DLG2: variants seen among roughly 807,000 people sequenced by gnomAD.
DLG2 encodes the protein discs large MAGUK scaffold protein 2, also known as disks large homolog 2.
Under a neutral mutation model 132.5 loss-of-function variants are expected in DLG2, and 45 were observed. The observed-to-expected ratio is 0.34, with a 90% CI of 0.27 to 0.44. The LOEUF (loss-of-function observed/expected upper bound fraction) is 0.44. Among genes scored for constraint, DLG2 ranks in the 20% least tolerant of loss-of-function variants. DLG2 has a pLI of 1.00. For missense variants in DLG2, 1,045 were observed against 1,196.9 expected, an observed-to-expected ratio of 0.87 and a Z score of 1.87; for synonymous variants, 424 against 419.6, an observed-to-expected ratio of 1.01 and a Z score of -0.13.
chr11:84,875,974 G>T (rs1174502832), intron 6 of DLG2, among the ~76,000 whole-genome samples: 2 of 152,176 alleles, frequency 1.3e-5, no homozygotes, highest in Admixed American at 1.3e-4. Context: ...CTGACCTCAA[G>T]TGATCCACCT....
At chr11:85,595,064 CA>C (rs947518185) in intron 3 of DLG2, among the ~76,000 whole-genome samples, 6,060 of 58,282 alleles carry the variant, frequency 0.1, 121 homozygotes, top group African/African-American at 0.22. Context: ...GACTCTGTCT[CA>C]AAAAAAAAAA....
intron 6 of DLG2, among the ~76,000 whole-genome samples, chr11:84,808,941 C>T (rs2076276074): frequency 6.6e-6 from 1 of 151,924 alleles, no homozygotes; most frequent in African/African-American, 2.4e-5. Context: ...GGAGAGAACA[C>T]ATTCCTATTC....
chr11:83,965,127 C>T (rs2089905827), intron 13 of DLG2, among the ~76,000 whole-genome samples, 197 bp downstream of exon 13: 1 of 152,008 alleles, frequency 6.6e-6, no homozygotes, highest in Non-Finnish European at 1.5e-5. Flanking sequence ...CATGCCAACT[C>T]ATTAGGAGAT....
chr11:84,082,777 C>A (rs1019450306), intron 10 of DLG2, among the ~76,000 whole-genome samples: 1 of 152,162 alleles, frequency 6.6e-6, no homozygotes, highest in Non-Finnish European at 1.5e-5. Flanking sequence ...AACCTCTTTA[C>A]ACCTCCATAG....
intron 18 of DLG2, among the ~76,000 whole-genome samples, chr11:83,660,514 T>C (rs1346013851): frequency 6.6e-6 from 1 of 152,262 alleles, no homozygotes; most frequent in African/African-American, 2.4e-5. Context: ...CAGTAGCTGC[T>C]ACCTCCAGGG....
At chr11:85,110,429 C>A (rs1483323772) in intron 6 of DLG2, among the ~76,000 whole-genome samples, 1 of 151,712 alleles carries the variant, frequency 6.6e-6, no homozygotes, top group Non-Finnish European at 1.5e-5. Flanking sequence ...AAAATAAAAA[C>A]CAAAACCAAA....
intron 3 of DLG2, among the ~76,000 whole-genome samples, chr11:85,444,328 T>G (rs1565499651): frequency 6.6e-6 from 1 of 152,208 alleles, no homozygotes; most frequent in Non-Finnish European, 1.5e-5. Context: ...ACCACGACAT[T>G]TGCAGCTATA....
intron 18 of DLG2, among the ~76,000 whole-genome samples, chr11:83,726,477 A>G (rs186836254): frequency 6.6e-6 from 1 of 152,326 alleles, no homozygotes; most frequent in East Asian, 1.9e-4. Context: ...TATTTTGCTC[A>G]TTTATTTTAT....
At chr11:85,308,660 G>A (rs2080120121) in intron 3 of DLG2, among the ~76,000 whole-genome samples, 1 of 152,108 alleles carries the variant, frequency 6.6e-6, no homozygotes, top group Non-Finnish European at 1.5e-5. Context: ...GAACACATCT[G>A]TCTAAATAAC....
At chr11:83,672,312 G>A (rs1465983671) in intron 18 of DLG2, among the ~76,000 whole-genome samples, 1 of 152,092 alleles carries the variant, frequency 6.6e-6, no homozygotes, top group Admixed American at 6.5e-5. Flanking sequence ...AGCCTCCCAA[G>A]TGGTTGGGAC....
At chr11:83,626,911 T>C (rs2062633222) in intron 19 of DLG2, among the ~76,000 whole-genome samples, 1 of 152,156 alleles carries the variant, frequency 6.6e-6, no homozygotes, top group South Asian at 2.1e-4. Flanking sequence ...TCCTTCAGGC[T>C]TCATGGGGTC....
At chr11:83,991,984 A>G (rs1270187433) in intron 11 of DLG2, among the ~76,000 whole-genome samples, 1 of 152,192 alleles carries the variant, frequency 6.6e-6, no homozygotes, top group Non-Finnish European at 1.5e-5. Flanking sequence ...TAAAAAATAC[A>G]CAGGGAGCAA....
chr11:84,375,216 G>A (rs1269781514), intron 7 of DLG2, among the ~76,000 whole-genome samples: 1 of 152,120 alleles, frequency 6.6e-6, no homozygotes. Flanking sequence ...AAGAGACTGA[G>A]TTCTTTAAAA....
chr11:83,585,690 T>G (rs546401873), intron 19 of DLG2, among the ~76,000 whole-genome samples: 1 of 152,340 alleles, frequency 6.6e-6, no homozygotes, highest in South Asian at 2.1e-4. Context: ...TACTGAAGTT[T>G]GCAAATGAAA....
chr11:85,125,804 TATACACACACAC>T (rs912525761), intron 5 of DLG2, among the ~76,000 whole-genome samples: 2 of 85,174 alleles, frequency 2.3e-5, no homozygotes, highest in African/African-American at 1.2e-4. Context: ...TCCCAGACAT[TATACACACACAC>T]ACACACACAC....
chr11:84,097,086 G>A (rs921843988), intron 10 of DLG2, among the ~76,000 whole-genome samples: 8 of 152,050 alleles, frequency 5.3e-5, no homozygotes, highest in South Asian at 2.1e-4. Flanking sequence ...CTTACATTTC[G>A]CTCCTTAAGT....
chr11:83,746,575 T>G (rs2092927527), intron 18 of DLG2, among the ~76,000 whole-genome samples: 5 of 149,176 alleles, frequency 3.4e-5, no homozygotes, highest in African/African-American at 7.5e-5. Flanking sequence ...CAGGGCCTGT[T>G]GTGGGGTGGG....
intron 4 of DLG2, among the ~76,000 whole-genome samples, chr11:85,279,907 G>C (rs2078127313): frequency 1.3e-5 from 2 of 151,982 alleles, no homozygotes; most frequent in South Asian, 4.1e-4. Context: ...ACAGTAATAG[G>C]TTTAAATGAG....
rs200101832 is a variant in DLG2 at position 85,017,928 on chromosome 11, G to GA, written c.357+93732dup. On this transcript the variant is annotated intron_variant, in intron 6 of 27. Transcript: ENST00000376104. Reference sequence around the variant, plus strand: ...TTTCTCAGTTATCTCTTAAAGTGAAGAAAAAACCACATAAGGAACACGGGG... The same window carrying GA: ...TTTCTCAGTTATCTCTTAAAGTGAAGAAAAAAACCACATAAGGAACACGGGG... 6.0e-3 allele frequency among the ~76,000 whole-genome samples: 900 copies of GA among 150,984 alleles called. 3 individuals carry two copies. The highest frequency in any genetic ancestry group is 7.7e-3 in the Non-Finnish European group (522 of 67,792).
Sources: allele counts gnomAD v4.1 joint callset (sites outside exome capture counted in the v4.1 genomes callset), GRCh38; gene constraint gnomAD v4.1.1; transcripts MANE v1.5; gene names NCBI Gene and HGNC (gene_info 2026-07-23, HGNC 2026-07-21).